Variants in SPOCK3 observed in about 807,000 individuals in gnomAD.
SPOCK3 encodes the protein SPARC (osteonectin), cwcv and kazal like domains proteoglycan 3.
A neutral mutation model predicts 56.6 loss-of-function variants in SPOCK3; 30 were observed. The observed-to-expected ratio is 0.53, with a 90% CI of 0.40 to 0.72. The LOEUF is 0.72. SPOCK3 is among the 30% of genes least tolerant of loss of function. SPOCK3 has a pLI of 0.00. For missense variants in SPOCK3, 527 were observed against 530.0 expected, an observed-to-expected ratio of 0.99 and a Z score of 0.06; for synonymous variants, 196 against 183.3, an observed-to-expected ratio of 1.07 and a Z score of -0.56.
intron 2 of SPOCK3, among the ~76,000 whole-genome samples, chr4:167,151,623 G>C (rs1764432446): frequency 6.6e-6 from 1 of 151,794 alleles, no homozygotes; most frequent in African/African-American, 2.4e-5. Context: ...TTTTAGTAGA[G>C]ACGGGGTTTC....
At chr4:167,117,590 C>T (rs953167362) in intron 2 of SPOCK3, among the ~76,000 whole-genome samples, 4 of 152,112 alleles carry the variant, frequency 2.6e-5, no homozygotes, top group Non-Finnish European at 4.4e-5. Context: ...GGATTGTGGA[C>T]AGAACATGCC....
At chr4:167,166,406 C>T (rs997125437) in intron 2 of SPOCK3, among the ~76,000 whole-genome samples, 2 of 151,972 alleles carry the variant, frequency 1.3e-5, no homozygotes, top group African/African-American at 4.8e-5. Flanking sequence ...TGACAGCCTA[C>T]AACCCTCTCT....
intron 7 of SPOCK3, among the ~76,000 whole-genome samples, chr4:166,767,472 GT>G (rs1371051345): frequency 2.0e-5 from 3 of 152,104 alleles, no homozygotes; most frequent in African/African-American, 7.2e-5. Flanking sequence ...GGAGCAGGTT[GT>G]TCAGTTTCCA....
chr4:167,038,805 T>C (rs955409493), intron 3 of SPOCK3, among the ~76,000 whole-genome samples: 3 of 152,094 alleles, frequency 2.0e-5, no homozygotes, highest in Non-Finnish European at 2.9e-5. Flanking sequence ...AATTAATATA[T>C]ACTGTTGTTA....
At chr4:167,139,070 C>G (rs1763330342) in intron 2 of SPOCK3, among the ~76,000 whole-genome samples, 6 of 151,894 alleles carry the variant, frequency 4.0e-5, no homozygotes, top group Admixed American at 1.3e-4. Flanking sequence ...GACCTTATTA[C>G]TAGGTTACTT....
intron 6 of SPOCK3, among the ~76,000 whole-genome samples, chr4:166,806,553 T>A (rs559704821): frequency 1.4e-4 from 21 of 152,126 alleles, no homozygotes; most frequent in Admixed American, 3.9e-4. Flanking sequence ...AAAATATTAT[T>A]TTTTATAAAA....
intron 6 of SPOCK3, among the ~76,000 whole-genome samples, chr4:166,881,571 G>A (rs17598718): frequency 0.077 from 11,746 of 152,016 alleles, 539 homozygotes; most frequent in Non-Finnish European, 0.1. Flanking sequence ...AAAATTGACA[G>A]TCTTTGAGAA....
intron 4 of SPOCK3, among the ~76,000 whole-genome samples, chr4:166,963,892 CA>C (rs1561062490): frequency 6.6e-6 from 1 of 151,762 alleles, no homozygotes; most frequent in Non-Finnish European, 1.5e-5. Flanking sequence ...GTCAGTGGGT[CA>C]AACACCTTGA....
At chr4:167,053,149 C>T (rs1238397378) in intron 3 of SPOCK3, among the ~76,000 whole-genome samples, 2 of 152,038 alleles carry the variant, frequency 1.3e-5, no homozygotes, top group Non-Finnish European at 2.9e-5. Flanking sequence ...AGAAATGATC[C>T]TGAAGCAATA....
At chr4:166,887,593 G>A (rs1734331595) in intron 6 of SPOCK3, among the ~76,000 whole-genome samples, 1 of 152,052 alleles carries the variant, frequency 6.6e-6, no homozygotes, top group African/African-American at 2.4e-5. Context: ...GTATATTCAA[G>A]GTGGTACTGA....
chr4:166,931,915 T>C (rs1290669239), intron 4 of SPOCK3, among the ~76,000 whole-genome samples: 1 of 152,220 alleles, frequency 6.6e-6, no homozygotes, highest in East Asian at 1.9e-4. Context: ...CTTGGTATTT[T>C]AGGTCTTTTA....
At chr4:167,098,819 C>A (rs1475508610) in intron 2 of SPOCK3, among the ~76,000 whole-genome samples, 1 of 152,036 alleles carries the variant, frequency 6.6e-6, no homozygotes, top group Non-Finnish European at 1.5e-5. Flanking sequence ...CTTTGATAAG[C>A]ATCTTCATGC....
At chr4:166,946,696 A>G (rs557213367) in intron 4 of SPOCK3, among the ~76,000 whole-genome samples, 74 of 150,726 alleles carry the variant, frequency 4.9e-4, no homozygotes, top group South Asian at 1.2e-3. Context: ...TTTGTATAGC[A>G]CTTGGTCCTT....
At chr4:167,061,630 TC>T (rs961163233) in intron 3 of SPOCK3, among the ~76,000 whole-genome samples, 1 of 151,846 alleles carries the variant, frequency 6.6e-6, no homozygotes, top group African/African-American at 2.4e-5. Context: ...TACTCTGAGC[TC>T]CTTTAAATAA....
chr4:166,801,532 C>T (rs943085186), intron 6 of SPOCK3, among the ~76,000 whole-genome samples: 1 of 151,922 alleles, frequency 6.6e-6, no homozygotes, highest in African/African-American at 2.4e-5. Flanking sequence ...TTTTATTCAA[C>T]AAATTATTAC....
At chr4:167,173,220 G>A (rs1028733082) in intron 2 of SPOCK3, among the ~76,000 whole-genome samples, 2 of 152,054 alleles carry the variant, frequency 1.3e-5, no homozygotes, top group African/African-American at 4.8e-5. Context: ...TTTATTTGAT[G>A]TTGCAACACA....
At chr4:167,090,834 C>T (rs979272471) in intron 2 of SPOCK3, among the ~76,000 whole-genome samples, 1 of 151,962 alleles carries the variant, frequency 6.6e-6, no homozygotes. Context: ...ATTTTACTAA[C>T]CTGTTTTTTT....
At chr4:167,118,399 A>T (rs1561236211) in intron 2 of SPOCK3, among the ~76,000 whole-genome samples, 2 of 152,122 alleles carry the variant, frequency 1.3e-5, no homozygotes, top group Admixed American at 6.6e-5. Context: ...GCCTACCTCT[A>T]AAGTTCACTC....
At chr4:166,841,270 T>A (rs937268224) in intron 6 of SPOCK3, among the ~76,000 whole-genome samples, 2 of 152,132 alleles carry the variant, frequency 1.3e-5, no homozygotes, top group Admixed American at 6.5e-5. Context: ...CCTAATTTCT[T>A]CAATCATTTC....
Sources: gnomAD v4.1 joint callset for allele counts (sites outside exome capture counted in the v4.1 genomes callset) on GRCh38, gnomAD v4.1.1 for gene constraint, MANE v1.5 for transcripts, NCBI Gene and HGNC (gene_info 2026-07-23, HGNC 2026-07-21) for gene names.